Variants in SEMA6D observed in about 807,000 individuals in gnomAD.
SEMA6D encodes semaphorin-6D.
In SEMA6D, 35 loss-of-function variants were observed where a neutral mutation model predicts 106.6. The ratio of observed to expected loss-of-function variants is 0.33; its 90% confidence interval spans 0.25 to 0.44. The LOEUF is 0.44. Among genes scored for constraint, SEMA6D ranks in the 20% least tolerant of loss-of-function variants. SEMA6D has a pLI of 1.00. For missense variants in SEMA6D, 1,185 were observed against 1,345.9 expected (o/e 0.88, Z 1.87); for synonymous variants, 499 against 487.7 (o/e 1.02, Z -0.31).
intron 1 of SEMA6D, among the ~76,000 whole-genome samples, chr15:47,298,283 C>A (rs962661456): frequency 1.3e-5 from 2 of 152,018 alleles, no homozygotes; most frequent in Non-Finnish European, 2.9e-5. Flanking sequence ...CAGTGACCGA[C>A]TTGTAACTTC....
intron 1 of SEMA6D, among the ~76,000 whole-genome samples, chr15:47,269,167 G>A (rs941216170): frequency 8.6e-5 from 13 of 152,018 alleles, no homozygotes; most frequent in African/African-American, 3.1e-4. Context: ...CTCAAGAAAT[G>A]TAGGCCTGTT....
intron 3 of SEMA6D, among the ~76,000 whole-genome samples, chr15:47,588,031 G>A (rs1336719448): frequency 6.6e-6 from 1 of 152,130 alleles, no homozygotes; most frequent in Non-Finnish European, 1.5e-5. Context: ...AAAGATAACT[G>A]GATGCCTAAC....
Position 47,772,346 on chromosome 15 carries a change from T to TTATGTGTGTGCGTGTG in SEMA6D, c.*562_*563insATGTGTGTGCGTGTGT, listed in dbSNP as rs2082662097. 1.2e-5 allele frequency: 1 copy of TTATGTGTGTGCGTGTG among 83,720 alleles called. No individual in the cohort carries two copies. The highest frequency in any genetic ancestry group is 5.7e-5 in the African/African-American group (1 of 17,648). 5.2% of individuals were successfully genotyped at this position (83,720 alleles called of 1,614,324 possible). On this transcript the variant is annotated 3_prime_UTR_variant, in exon 19 of 19. Coordinates refer to ENST00000536845, the MANE Select transcript of SEMA6D (RefSeq NM_001358351.3). ...CTTTTTCATGCCACCAACAAACTTGTTGTGTGTGTGCGTGTGTGTGTGTGT... is the reference window on the plus strand; with the variant it reads ...CTTTTTCATGCCACCAACAAACTTGTTATGTGTGTGCGTGTGTGTGTGTGTGCGTGTGTGTGTGTGT...
At position 47,763,930 on chromosome 15, in the gene SEMA6D, A is replaced by C; in HGVS notation, c.828A>C (p.Ser276=). The C allele has an allele frequency of 6.2e-7, 1 of 1,613,926 alleles. No individual in the cohort carries two copies. Among genetic ancestry groups the C allele is most frequent in the Non-Finnish European group, 8.5e-7 (1 of 1,179,886 alleles). The change falls in exon 10 of 19, where the codon TCA becomes TCC. Residue 276 remains serine (S), a synonymous_variant. Coordinates refer to ENST00000536845, the MANE Select transcript of SEMA6D (RefSeq NM_001358351.3). ...SQRVLEKHWT[S]FLKARLNCSV... ...GGGTCCTGGAGAAACACTGGACTTC[A>C]TTTCTAAAGGCTCGGCTGAACTGTT...
At chr15:47,367,317 C>T (rs2039066769) in intron 1 of SEMA6D, among the ~76,000 whole-genome samples, 1 of 152,158 alleles carries the variant, frequency 6.6e-6, no homozygotes, top group Non-Finnish European at 1.5e-5. Flanking sequence ...CATAATCCTA[C>T]TCTGAATAGA....
chr15:47,225,204 G>C (rs563536151), intron 1 of SEMA6D, among the ~76,000 whole-genome samples: 1 of 152,082 alleles, frequency 6.6e-6, no homozygotes, highest in East Asian at 1.9e-4. Context: ...CAGATGGTAA[G>C]AGTATGTTTA....
chr15:47,414,673 T>C lies in SEMA6D; in HGVS notation c.-159+2201T>C, dbSNP rs545211114. 2.0e-5 allele frequency among the ~76,000 whole-genome samples: 3 copies of C among 152,310 alleles called. No homozygotes were observed. The South Asian group carries it at 6.2e-4, about 32-fold the overall frequency. Reference sequence around the variant, plus strand: ...CATTTAGAAAGTGGGAAGATTTTCTTAGAACTAGCCTTGGAGCCTCTTGTC... The same window carrying C: ...CATTTAGAAAGTGGGAAGATTTTCTCAGAACTAGCCTTGGAGCCTCTTGTC... On this transcript the variant is annotated intron_variant, in intron 2 of 19. Coordinates refer to the SEMA6D transcript ENST00000558014.
chr15:47,565,913 AT>A (rs2046217666), intron 3 of SEMA6D, among the ~76,000 whole-genome samples: 2 of 152,078 alleles, frequency 1.3e-5, no homozygotes, highest in Admixed American at 6.6e-5. Context: ...TCACTACTTA[AT>A]TTTTTTCCTT....
intron 4 of SEMA6D, among the ~76,000 whole-genome samples, chr15:47,640,968 T>G (rs1308611546): frequency 6.6e-6 from 1 of 152,160 alleles, no homozygotes; most frequent in African/African-American, 2.4e-5. Context: ...CAATTATTCT[T>G]TATATCCACA....
chr15:47,298,425 C>T (rs2035889722), intron 1 of SEMA6D, among the ~76,000 whole-genome samples: 1 of 151,904 alleles, frequency 6.6e-6, no homozygotes, highest in African/African-American at 2.4e-5. Context: ...TTTAGGACAG[C>T]TTGCAGCATG....
intron 3 of SEMA6D, among the ~76,000 whole-genome samples, chr15:47,474,958 G>A (rs2042963471): frequency 6.6e-6 from 1 of 152,166 alleles, no homozygotes; most frequent in Non-Finnish European, 1.5e-5. Context: ...ATAGCTACAG[G>A]GTGATAGAGT....
At chr15:47,718,456 T>A (rs2079219331) in intron 1 of SEMA6D, 2 of 152,280 alleles carry the variant, frequency 1.3e-5, no homozygotes, top group Admixed American at 6.5e-5. Context: ...TCGGGTGACT[T>A]GGCCATCCCC....
chr15:47,760,328 G>A lies in SEMA6D; in HGVS notation c.134G>A (p.Arg45Lys), dbSNP rs763296194. Residue 45 changes from arginine (R) to lysine (K), a missense_variant, in exon 3 of 19, where the codon AGA becomes AAA. Transcript: ENST00000536845. ...YHYSRQYPVFRGRPSGNESQH... is the reference protein window; with the variant it reads ...YHYSRQYPVFKGRPSGNESQH... Reference sequence around the variant, plus strand: ...GATTCAAGGCAATATCCGGTTTTTAGAGGACGCCCTTCAGGCAATGAATCG... The same window carrying A: ...GATTCAAGGCAATATCCGGTTTTTAAAGGACGCCCTTCAGGCAATGAATCG... The A allele has an allele frequency of 6.2e-7, 1 of 1,613,498 alleles. No homozygotes were observed. Among genetic ancestry groups the A allele is most frequent in the South Asian group, 1.1e-5 (1 of 91,040 alleles).
intron 2 of SEMA6D, among the ~76,000 whole-genome samples, chr15:47,421,639 T>G (rs1411771583): frequency 1.3e-5 from 2 of 152,060 alleles, no homozygotes; most frequent in Non-Finnish European, 2.9e-5. Flanking sequence ...GATGAGTGTG[T>G]ACCATATGAG....
chr15:47,440,123 C>A (rs2041837447), intron 2 of SEMA6D, among the ~76,000 whole-genome samples: 1 of 150,386 alleles, frequency 6.6e-6, no homozygotes, highest in African/African-American at 2.4e-5. Flanking sequence ...GACAGTTGTG[C>A]ACGTGTTAGA....
intron 1 of SEMA6D, among the ~76,000 whole-genome samples, chr15:47,405,247 G>T (rs73405025): frequency 0.011 from 1,663 of 152,224 alleles, 36 homozygotes; most frequent in African/African-American, 0.038. Flanking sequence ...GACTGTAAGG[G>T]ATTGGAGGGG....
At chr15:47,348,007 T>C (rs2038113899) in intron 1 of SEMA6D, among the ~76,000 whole-genome samples, 1 of 152,174 alleles carries the variant, frequency 6.6e-6, no homozygotes, top group African/African-American at 2.4e-5. Context: ...CTTTGCCCTG[T>C]TTTTCTTCCA....
chr15:47,584,949 T>G (rs2076311786), intron 3 of SEMA6D, among the ~76,000 whole-genome samples: 1 of 152,132 alleles, frequency 6.6e-6, no homozygotes, highest in Non-Finnish European at 1.5e-5. Context: ...TCAGAAAAGG[T>G]GGGGATATTG....
intron 2 of SEMA6D, among the ~76,000 whole-genome samples, chr15:47,464,392 G>A (rs993706604): frequency 2.6e-5 from 4 of 152,066 alleles, no homozygotes; most frequent in East Asian, 1.9e-4. Context: ...ATATGTGCTC[G>A]TTAAGAAAAG....
Sources: gnomAD v4.1 joint callset for allele counts (sites outside exome capture counted in the v4.1 genomes callset) on GRCh38, gnomAD v4.1.1 for gene constraint, MANE v1.5 for transcripts, NCBI Gene and HGNC (gene_info 2026-07-23, HGNC 2026-07-21) for gene names.